The following MYLK4 variants were observed in gnomAD, a reference collection of about 807,000 sequenced individuals.
MYLK4 encodes the protein myosin light chain kinase family member 4.
MYLK4 carries 46 observed loss-of-function variants against 48.1 expected under a neutral mutation model. That is an observed-to-expected ratio of 0.96 (90% CI 0.75 to 1.22). The LOEUF (loss-of-function observed/expected upper bound fraction) is 1.22. Among genes scored for constraint, MYLK4 ranks in the 50% most tolerant of loss-of-function variants. The pLI is 0.00. For synonymous variants in MYLK4, 170 were observed against 180.8 expected (o/e 0.94, Z 0.48); for missense variants, 451 against 486.1 (o/e 0.93, Z 0.68).
At chr6:2,763,854 A>C in the MYLK4 span, among the ~76,000 whole-genome samples, 2 of 151,968 alleles carry the variant, frequency 1.3e-5, no homozygotes, top group Admixed American at 6.5e-5. Flanking sequence ...AAATGAAAAA[A>C]AAAAGCTCAC....
the MYLK4 span, chr6:2,768,971 C>A: frequency 3.0e-6 from 4 of 1,324,026 alleles, no homozygotes; most frequent in East Asian, 7.2e-5. Flanking sequence ...TAGAGACTTA[C>A]GAGCTTTGTT....
At chr6:2,681,651 C>T (rs990680568) in intron 7 of MYLK4, among the ~76,000 whole-genome samples, 1 of 152,192 alleles carries the variant, frequency 6.6e-6, no homozygotes, top group Non-Finnish European at 1.5e-5. Flanking sequence ...CACCTATAAT[C>T]TCCCCCCACA....
the MYLK4 span, among the ~76,000 whole-genome samples, chr6:2,756,371 T>C: frequency 2.0e-5 from 3 of 152,212 alleles, no homozygotes; most frequent in East Asian, 1.9e-4. Context: ...ACTTTTGATA[T>C]GTCATTATTA....
the MYLK4 span, among the ~76,000 whole-genome samples, chr6:2,769,889 G>A: frequency 5.9e-5 from 9 of 152,208 alleles, no homozygotes; most frequent in African/African-American, 1.9e-4. Context: ...TAGTCTACCA[G>A]CAAGAGATCA....
At chr6:2,768,775 A>C in the MYLK4 span, 1 of 1,614,040 alleles carries the variant, frequency 6.2e-7, no homozygotes, top group Non-Finnish European at 8.5e-7. Flanking sequence ...TGCCAAGACA[A>C]ATGATGTGCG....
chr6:2,685,464 C>G lies in MYLK4; in HGVS notation c.435+19G>C, dbSNP rs780552776. 1 of 1,612,128 alleles carries G rather than the reference C, an allele frequency of 6.2e-7. No individual in the cohort carries two copies. Among genetic ancestry groups the G allele is most frequent in the South Asian group, 1.1e-5 (1 of 91,016 alleles). ...AAGATGGGGCGGGGAGGGAGGGGAC[C>G]ACCTCCCACAGGCTGTACCTTGTCC... On this transcript the variant is annotated intron_variant, in intron 5 of 12. Coordinates refer to ENST00000274643, the MANE Select transcript of MYLK4 (RefSeq NM_001012418.5). The surrounding 1 kb of genome is among the most constrained non-coding windows in gnomAD (Gnocchi z 4.5).
At chr6:2,748,348 A>G (rs1764170420) in intron 2 of MYLK4, among the ~76,000 whole-genome samples, 1 of 152,230 alleles carries the variant, frequency 6.6e-6, no homozygotes, top group Non-Finnish European at 1.5e-5. Context: ...AAGGTGATCA[A>G]CATGTTCAAA....
Position 2,734,625 on chromosome 6 carries a change from T to C in MYLK4, c.159+14511A>G, listed in dbSNP as rs559777050. 1.4e-4 allele frequency among the ~76,000 whole-genome samples: 21 copies of C among 152,256 alleles called. No individual in the cohort carries two copies. In the South Asian group the frequency reaches 2.7e-3, roughly 20 times the overall value. On this transcript the variant is annotated intron_variant, in intron 2 of 12. Coordinates refer to ENST00000274643, the MANE Select transcript of MYLK4 (RefSeq NM_001012418.5). ...TATATATATATATAATATACACTCA[T>C]ACACATATACATATTATACACACAC...
chr6:2,697,947 T>G (rs1375590157), intron 2 of MYLK4, among the ~76,000 whole-genome samples: 2 of 152,224 alleles, frequency 1.3e-5, no homozygotes, highest in Non-Finnish European at 2.9e-5. Flanking sequence ...CACTCTGTCA[T>G]CAGGCTGCAC....
At chr6:2,749,485 T>G in intron 1 of MYLK4, 79 bp from the exon 2 acceptor site, 1 of 450,238 alleles carries the variant, frequency 2.2e-6, no homozygotes, top group Non-Finnish European at 3.9e-6. Context: ...CAGTGAGAAT[T>G]TGGAAGTCCC....
intron 2 of MYLK4, among the ~76,000 whole-genome samples, chr6:2,712,189 G>T (rs1762698118): frequency 6.6e-6 from 1 of 152,144 alleles, no homozygotes; most frequent in Non-Finnish European, 1.5e-5. Context: ...CATGTTCCGG[G>T]GCTCATGTTC....
chr6:2,718,232 A>T (rs1762942368), intron 2 of MYLK4, among the ~76,000 whole-genome samples: 2 of 151,958 alleles, frequency 1.3e-5, no homozygotes, highest in African/African-American at 4.8e-5. Flanking sequence ...AATCCTAGAC[A>T]TCTAGTGCTG....
chr6:2,763,592 G>C, the MYLK4 span, among the ~76,000 whole-genome samples: 3 of 152,234 alleles, frequency 2.0e-5, no homozygotes, highest in African/African-American at 7.2e-5. Context: ...CTCCCACCCG[G>C]AACTCGCGCT....
intron 12 of MYLK4, among the ~76,000 whole-genome samples, chr6:2,669,559 C>A (rs12195912): frequency 0.061 from 9,341 of 152,072 alleles, 309 homozygotes; most frequent in Middle Eastern, 0.085. Flanking sequence ...GGCAAACCCT[C>A]GGGGTTTGTG....
intron 2 of MYLK4, among the ~76,000 whole-genome samples, chr6:2,699,199 G>A (rs1762180164): frequency 1.3e-5 from 2 of 151,372 alleles, no homozygotes; most frequent in South Asian, 4.2e-4. Context: ...ACTGAATGAA[G>A]ATGCACGGAT....
rs9392422 is a variant in MYLK4, at chr6:2,737,992, T to A, written c.159+11144A>T. Among the ~76,000 whole-genome samples, 11 of 9,980 alleles carry A rather than the reference T, an allele frequency of 1.1e-3. 3 individuals are homozygous for A. The highest frequency in any genetic ancestry group is 1.2e-3 in the African/African-American group (4 of 3,240). 6.5% of individuals were successfully genotyped at this position (9,980 alleles called of 152,430 possible). On this transcript the variant is annotated intron_variant, in intron 2 of 12. Coordinates refer to ENST00000274643, the MANE Select transcript of MYLK4 (RefSeq NM_001012418.5). ...GTGCCGGGGGCGGGTGGGGGGGGGG[T>A]GGTCAATGTTATTAACCCCAGATGA...
intron 2 of MYLK4, among the ~76,000 whole-genome samples, chr6:2,709,379 C>T (rs752780580): frequency 5.9e-5 from 9 of 152,324 alleles, no homozygotes; most frequent in African/African-American, 1.9e-4. Flanking sequence ...ATGAGACTTG[C>T]GTCTTACTTG....
intron 2 of MYLK4, among the ~76,000 whole-genome samples, chr6:2,725,577 A>AAGAAAAAAAG (rs748564605): frequency 7.8e-6 from 1 of 128,886 alleles, no homozygotes; most frequent in Admixed American, 7.7e-5. Context: ...GAAAGAAAGA[A>AAGAAAAAAAG]AAAGAAAGAG....
intron 2 of MYLK4, among the ~76,000 whole-genome samples, chr6:2,742,814 C>T (rs1274680916): frequency 6.6e-6 from 1 of 151,336 alleles, no homozygotes; most frequent in African/African-American, 2.4e-5. Context: ...CACATGTATA[C>T]ATATGTAACA....
Sources: gnomAD v4.1 joint callset for allele counts (sites outside exome capture counted in the v4.1 genomes callset) on GRCh38, gnomAD v4.1.1 for gene constraint, Gnocchi (gnomAD v3.1) non-coding constraint, MANE v1.5 for transcripts, NCBI Gene and HGNC (gene_info 2026-07-23, HGNC 2026-07-21) for gene names.